Variants in IFNL1 observed in about 807,000 individuals in gnomAD.
IFNL1 encodes interferon lambda 1, also known as interferon lambda-1.
In IFNL1, 16 loss-of-function variants were observed where a neutral mutation model predicts 17.1. The observed-to-expected ratio is 0.93, with a 90% CI of 0.63 to 1.42. IFNL1 has a LOEUF of 1.42. IFNL1 is among the 40% of genes most tolerant of loss of function. The pLI, the probability that IFNL1 is intolerant of heterozygous loss-of-function variation, is 0.00. For missense variants in IFNL1, 262 were observed against 249.4 expected (o/e 1.05, Z -0.34); for synonymous variants, 104 against 111.4 (o/e 0.93, Z 0.42).
intron 2 of IFNL1, 60 bp from the exon 3 acceptor site, chr19:39,297,904 C>T: frequency 6.2e-7 from 1 of 1,604,724 alleles, no homozygotes; most frequent in Non-Finnish European, 8.5e-7. Flanking sequence ...CCTACCTGTC[C>T]CCACTAACTG....
chr19:39,296,918 T>A, intron 2 of IFNL1, 36 bp downstream of exon 2: 1 of 1,513,726 alleles, frequency 6.6e-7, no homozygotes, highest in Non-Finnish European at 9.2e-7. Context: ...ACCCTTCCCT[T>A]GACCCTCTCC....
Position 39,298,597 on chromosome 19 carries a change from C to A in IFNL1, c.*81C>A. ...TCACCCTTTATTTATGAAGCTGCAG[C>A]CCTGACTGAGACATAGGGCTGAGTT... On this transcript the variant is annotated 3_prime_UTR_variant, in exon 5 of 5. Transcript: ENST00000333625. The A allele has an allele frequency of 6.5e-7, 1 of 1,532,542 alleles. No homozygotes were observed. Among genetic ancestry groups the A allele is most frequent in the Non-Finnish European group, 8.9e-7 (1 of 1,117,452 alleles). The allele number at this position is 1,532,542 out of a possible 1,614,324, so 94.9% of individuals were successfully genotyped here.
chr19:39,296,462 T>G lies in IFNL1; in HGVS notation c.41T>G (p.Leu14Arg). 1 of 1,612,232 alleles carries G rather than the reference T, an allele frequency of 6.2e-7. No homozygotes were observed. The highest frequency in any genetic ancestry group is 8.5e-7 in the Non-Finnish European group (1 of 1,179,874). The stretch of plus-strand genomic sequence containing the variant: ...ACCGTGGTGCTGGTGACTTTGGTGC[T>G]AGGCTTGGCCGTGGCAGGCCCTGTC... ...AWTVVLVTLV[L>R]GLAVAGPVPT... The change falls in exon 1 of 5, where the codon CTA becomes CGA. Residue 14 changes from leucine (L) to arginine (R), a missense_variant. Transcript: ENST00000333625.
At position 39,298,050 on chromosome 19, in the gene IFNL1, C is replaced by G; in HGVS notation, c.336C>G (p.Asp112Glu). 1.2e-6 allele frequency: 2 copies of G among 1,614,192 alleles called. No homozygotes were observed. Among genetic ancestry groups the G allele is most frequent in the East Asian group, 2.2e-5 (1 of 44,864 alleles). ...LEAAAGPALE[D>E]VLDQPLHTLH... ...CCGCTGCTGGCCCAGCCCTGGAGGACGTCCTAGACCAGCCCCTTCACACCC... is the reference window on the plus strand; with the variant it reads ...CCGCTGCTGGCCCAGCCCTGGAGGAGGTCCTAGACCAGCCCCTTCACACCC... Residue 112 changes from aspartate to glutamate, a missense_variant, in exon 3 of 5, where the codon GAC (aspartate) becomes GAG (glutamate). By Grantham distance (45) the Asp-to-Glu change is conservative. Coordinates refer to ENST00000333625, the MANE Select transcript of IFNL1 (RefSeq NM_172140.2).
At position 39,297,966 on chromosome 19, in the gene IFNL1, G is replaced by A. The variant is rs775980211; in HGVS notation, c.252G>A (p.Val84=). ...TGCTCTTTCTCACCTCTCCTCAGGT[G>A]AGGGAGCGCCCTGTGGCCTTGGAGG... ...PGNWDLRLLQ[V]RERPVALEAE... is the part of the protein sequence containing the mutation. Residue 84 remains valine (V), a splice_region_variant and synonymous_variant, in exon 3 of 5, where the codon GTG becomes GTA. Coordinates refer to ENST00000333625, the MANE Select transcript of IFNL1 (RefSeq NM_172140.2). 35 of 1,614,172 alleles carry A rather than the reference G, an allele frequency of 2.2e-5. No individual in the cohort carries two copies. In the South Asian group the frequency reaches 3.8e-4, roughly 18 times the overall value.
intron 2 of IFNL1, among the ~76,000 whole-genome samples, chr19:39,297,253 C>G (rs1332509583): frequency 1.3e-5 from 2 of 151,568 alleles, no homozygotes; most frequent in Non-Finnish European, 2.9e-5. Context: ...TCACCTGTCC[C>G]TCATTATCTC....
chr19:39,297,612 A>G (rs964548891), intron 2 of IFNL1, among the ~76,000 whole-genome samples: 13 of 150,800 alleles, frequency 8.6e-5, no homozygotes, highest in Admixed American at 4.6e-4. Flanking sequence ...GAGCCACCAC[A>G]CCCAGCCCTA....
Position 39,298,579 on chromosome 19 carries a change from T to G in IFNL1, c.*63T>G. ...TCCTTAATTTATTTCCTCTCACCCT[T>G]TATTTATGAAGCTGCAGCCCTGACT... On this transcript the variant is annotated 3_prime_UTR_variant, in exon 5 of 5. Coordinates refer to ENST00000333625, the MANE Select transcript of IFNL1 (RefSeq NM_172140.2). 1 of 1,588,460 alleles carries G rather than the reference T, an allele frequency of 6.3e-7. No homozygotes were observed. Among genetic ancestry groups the G allele is most frequent in the South Asian group, 1.1e-5 (1 of 88,992 alleles).
At position 39,298,056 on chromosome 19, in the gene IFNL1, A is replaced by C; in HGVS notation, c.342A>C (p.Leu114=). ...AAAGPALEDV[L]DQPLHTLHHI... ...CTGGCCCAGCCCTGGAGGACGTCCT[A>C]GACCAGCCCCTTCACACCCTGCACC... Residue 114 remains leucine (L), a synonymous_variant, in exon 3 of 5, where the codon CTA becomes CTC. Transcript: ENST00000333625. 1 of 1,614,128 alleles carries C rather than the reference A, an allele frequency of 6.2e-7. No individual in the cohort carries two copies. The highest frequency in any genetic ancestry group is 2.2e-5 in the East Asian group (1 of 44,862).
intron 4 of IFNL1, 47 bp downstream of exon 4, chr19:39,298,343 G>T: frequency 6.2e-7 from 1 of 1,613,916 alleles, no homozygotes; most frequent in Non-Finnish European, 8.5e-7. Context: ...GAGCCAATAG[G>T]AGCCCAGACC....
At chr19:39,296,932 CTCT>C (rs1568564637) in intron 2 of IFNL1, 50 bp downstream of exon 2, 1 of 1,432,198 alleles carries the variant, frequency 7.0e-7, no homozygotes, top group Non-Finnish European at 9.8e-7. Context: ...CCTCTCCCCC[CTCT>C]TCTTAAGTGG....
At chr19:39,297,310 CTTTTTTT>C (rs59725017) in intron 2 of IFNL1, among the ~76,000 whole-genome samples, 16 of 93,012 alleles carry the variant, frequency 1.7e-4, no homozygotes, top group African/African-American at 5.8e-4. Context: ...CCACCCTTCT[CTTTTTTT>C]TTTTTTTTTT....
Position 39,296,535 on chromosome 19 carries a change from G to C in IFNL1, c.114G>C (p.Arg38Ser). Residue 38 changes from arginine (R) to serine (S), a missense_variant, in exon 1 of 5, where the codon AGG (arginine) becomes AGC (serine). Coordinates refer to ENST00000333625, the MANE Select transcript of IFNL1 (RefSeq NM_172140.2). The stretch of plus-strand genomic sequence containing the variant: ...CTGGGAAGGGCTGCCACATTGGCAG[G>C]TTCAAATCTCTGTCACCACAGGAGC... ...TTTGKGCHIG[R>S]FKSLSPQELA... 6.2e-7 allele frequency: 1 copy of C among 1,613,974 alleles called. No individual in the cohort carries two copies. The highest frequency in any genetic ancestry group is 8.5e-7 in the Non-Finnish European group (1 of 1,180,010).
chr19:39,298,301 G>A lies in IFNL1; in HGVS notation c.477+5G>A. 6.8e-6 allele frequency: 11 copies of A among 1,614,178 alleles called. No individual in the cohort carries two copies. Among genetic ancestry groups the A allele is most frequent in the South Asian group, 1.1e-5 (1 of 91,082 alleles). Reference sequence around the variant, plus strand: ...CTCCAGGAGGCCCCCAAAAAGGTGAGTGACCCAGGAAGAGAAGGACCAGGG... The same window carrying A: ...CTCCAGGAGGCCCCCAAAAAGGTGAATGACCCAGGAAGAGAAGGACCAGGG... On this transcript the variant is annotated splice_donor_5th_base_variant and intron_variant, in intron 4 of 4. Coordinates refer to ENST00000333625, the MANE Select transcript of IFNL1 (RefSeq NM_172140.2).
chr19:39,298,428 A>G lies in IFNL1; in HGVS notation c.515A>G (p.Asn172Ser). ...TGCCTGGAGGCATCTGTCACCTTCAACCTCTTCCGCCTCCTCACGCGAGAC... is the reference window on the plus strand; with the variant it reads ...TGCCTGGAGGCATCTGTCACCTTCAGCCTCTTCCGCCTCCTCACGCGAGAC... ...AGCLEASVTF[N>S]LFRLLTRDLK... The change falls in exon 5 of 5, where the codon AAC becomes AGC. Residue 172 changes from asparagine (N) to serine (S), a missense_variant. Physicochemically the swap from Asn to Ser is conservative, Grantham distance 46. Coordinates refer to ENST00000333625, the MANE Select transcript of IFNL1 (RefSeq NM_172140.2). 6.2e-7 allele frequency: 1 copy of G among 1,613,968 alleles called. No individual in the cohort carries two copies. The highest frequency in any genetic ancestry group is 2.2e-5 in the East Asian group (1 of 44,862).
At position 39,297,968 on chromosome 19, in the gene IFNL1, G is replaced by C. The variant is rs141353728; in HGVS notation, c.254G>C (p.Arg85Thr). 1.9e-5 allele frequency: 30 copies of C among 1,614,162 alleles called. No homozygotes were observed. The South Asian group carries it at 3.2e-4, about 17-fold the overall frequency. The part of the protein sequence containing the change: ...GNWDLRLLQV[R>T]ERPVALEAEL... ...CTCTTTCTCACCTCTCCTCAGGTGAGGGAGCGCCCTGTGGCCTTGGAGGCT... is the reference window on the plus strand; with the variant it reads ...CTCTTTCTCACCTCTCCTCAGGTGACGGAGCGCCCTGTGGCCTTGGAGGCT... Residue 85 changes from arginine (R) to threonine (T), a missense_variant, in exon 3 of 5, where the codon AGG (arginine) becomes ACG (threonine). Arg to Thr is a moderately conservative substitution (Grantham distance 71). Coordinates refer to ENST00000333625, the MANE Select transcript of IFNL1 (RefSeq NM_172140.2).
rs752011035 is a variant in IFNL1 at position 39,298,449 on chromosome 19, G to A, written c.536G>A (p.Arg179Gln). The A allele has an allele frequency of 7.6e-5, 123 of 1,614,002 alleles. No individual in the cohort carries two copies. Among genetic ancestry groups the A allele is most frequent in the Admixed American group, 1.7e-4 (10 of 59,992 alleles). Reference sequence around the variant, plus strand: ...TTCAACCTCTTCCGCCTCCTCACGCGAGACCTCAAATATGTGGCCGATGGG... The same window carrying A: ...TTCAACCTCTTCCGCCTCCTCACGCAAGACCTCAAATATGTGGCCGATGGG... ...VTFNLFRLLTRDLKYVADGNL... is the reference protein window; with the variant it reads ...VTFNLFRLLTQDLKYVADGNL... The change falls in exon 5 of 5, where the codon CGA (arginine) becomes CAA (glutamine). Residue 179 changes from arginine (R) to glutamine (Q), a missense_variant. Arg to Gln is a conservative substitution (Grantham distance 43). Transcript: ENST00000333625.
chr19:39,296,845 C>T lies in IFNL1; in HGVS notation c.212C>T (p.Pro71Leu). The T allele has an allele frequency of 6.2e-7, 1 of 1,614,184 alleles. No homozygotes were observed. The highest frequency in any genetic ancestry group is 1.1e-5 in the South Asian group (1 of 91,090). Reference protein sequence around the residue: ...LKLKNWSCSSPVFPGNWDLRL... With the variant: ...LKLKNWSCSSLVFPGNWDLRL... ...CTGAAAAACTGGAGTTGCAGCTCTC[C>T]TGTCTTCCCCGGGAATTGGGACCTG... Residue 71 changes from proline (P) to leucine (L), a missense_variant, in exon 2 of 5, where the codon CCT (proline) becomes CTT (leucine). Pro to Leu is a moderately conservative substitution (Grantham distance 98, BLOSUM62 -3). Transcript: ENST00000333625.
Sources: allele counts gnomAD v4.1 joint callset (sites outside exome capture counted in the v4.1 genomes callset), GRCh38; gene constraint gnomAD v4.1.1; transcripts MANE v1.5; gene names NCBI Gene and HGNC (gene_info 2026-07-23, HGNC 2026-07-21).